The following PCSK5 variants were observed in gnomAD, a reference collection of about 807,000 sequenced individuals.
PCSK5 encodes proprotein convertase subtilisin/kexin type 5, also known as prohormone convertase 5.
In PCSK5, 129 loss-of-function variants were observed where a neutral mutation model predicts 233.2. That is an observed-to-expected ratio of 0.55 (90% CI 0.48 to 0.64). The LOEUF (loss-of-function observed/expected upper bound fraction) is 0.64, where lower values mean the gene tolerates loss of function less well. PCSK5 is among the 30% of genes least tolerant of loss of function. PCSK5 has a pLI of 0.00. For synonymous variants in PCSK5, 825 were observed against 879.2 expected (o/e 0.94, Z 1.09); for missense variants, 2,076 against 2,430.1 (o/e 0.85, Z 3.06).
At chr9:76,228,449 G>C (rs916649518) in intron 21 of PCSK5, among the ~76,000 whole-genome samples, 2 of 152,158 alleles carry the variant, frequency 1.3e-5, no homozygotes, top group Admixed American at 6.5e-5. Context: ...TCATTAGACT[G>C]TAAGCCACTT....
Position 75,891,126 on chromosome 9 carries a change from C to G in PCSK5, c.-56C>G. The G allele has an allele frequency of 7.3e-7, 1 of 1,364,486 alleles. No individual in the cohort carries two copies. The highest frequency in any genetic ancestry group is 9.5e-7 in the Non-Finnish European group (1 of 1,051,216). 84.5% of individuals were successfully genotyped at this position (1,364,486 alleles called of 1,614,324 possible). On this transcript the variant is annotated 5_prime_UTR_variant, in exon 1 of 38. Transcript: ENST00000674117. Reference sequence around the variant, plus strand: ...GCAGGCCGGAGAAGTTAGTTGTGCGCGCCCTTAGTGCGCGGAACCAGCCAG... The same window carrying G: ...GCAGGCCGGAGAAGTTAGTTGTGCGGGCCCTTAGTGCGCGGAACCAGCCAG...
chr9:76,257,541 A>G (rs1827023796), intron 24 of PCSK5, among the ~76,000 whole-genome samples: 3 of 152,106 alleles, frequency 2.0e-5, no homozygotes, highest in Non-Finnish European at 4.4e-5. Flanking sequence ...CCTTTCCACA[A>G]AGTCTCTCTG....
chr9:76,154,568 C>T (rs979619443), intron 10 of PCSK5, among the ~76,000 whole-genome samples: 5 of 152,160 alleles, frequency 3.3e-5, no homozygotes, highest in African/African-American at 4.8e-5. Flanking sequence ...CCCTTCTCCA[C>T]GCCCCCAACA....
At chr9:76,344,343 ACCC>A (rs1829919564) in intron 35 of PCSK5, among the ~76,000 whole-genome samples, 1 of 4,634 alleles carries the variant, frequency 2.2e-4, no homozygotes, top group East Asian at 8.8e-3. Flanking sequence ...TCCCCTCACC[ACCC>A]ACCATTCCCA....
chr9:75,964,776 C>G (rs1402168189), intron 2 of PCSK5, among the ~76,000 whole-genome samples: 2 of 152,110 alleles, frequency 1.3e-5, no homozygotes, highest in African/African-American at 4.8e-5. Flanking sequence ...CATTGCGTAT[C>G]TACTATATAG....
chr9:76,227,524 G>C lies in PCSK5; in HGVS notation c.2648G>C (p.Gly883Ala). The change falls in exon 21 of 38, where the codon GGC (glycine) becomes GCC (alanine). Residue 883 changes from glycine to alanine, a missense_variant. Coordinates refer to ENST00000674117, the MANE Select transcript of PCSK5 (RefSeq NM_001372043.1). ...CKDGEYVDEHGHCQTCEASCA... is the reference protein window; with the variant it reads ...CKDGEYVDEHAHCQTCEASCA... ...CCAGGAGAATATGTTGATGAGCATG[G>C]CCACTGCCAGACCTGTGAGGCCTCA... The C allele has an allele frequency of 6.2e-7, 1 of 1,611,466 alleles. No individual in the cohort carries two copies. The highest frequency in any genetic ancestry group is 8.5e-7 in the Non-Finnish European group (1 of 1,179,020).
At chr9:76,064,127 G>A (rs1254536821) in intron 5 of PCSK5, among the ~76,000 whole-genome samples, 5 of 122,046 alleles carry the variant, frequency 4.1e-5, no homozygotes, top group East Asian at 2.5e-4. Context: ...GGCTGGCTGG[G>A]CGGAGGGCTG....
chr9:76,195,780 TCA>T (rs1319180373), intron 20 of PCSK5: 1 of 152,186 alleles, frequency 6.6e-6, no homozygotes, highest in Non-Finnish European at 1.5e-5. Flanking sequence ...TGTAAAATGT[TCA>T]GTTGTTTTTT....
intron 1 of PCSK5, among the ~76,000 whole-genome samples, chr9:75,931,002 C>G (rs541804849): frequency 1.3e-5 from 2 of 152,132 alleles, no homozygotes; most frequent in Non-Finnish European, 2.9e-5. Flanking sequence ...CTGCATTCCC[C>G]GCTTGTTTTC....
chr9:75,909,892 C>T (rs1482418277), intron 1 of PCSK5, among the ~76,000 whole-genome samples: 1 of 152,084 alleles, frequency 6.6e-6, no homozygotes, highest in Non-Finnish European at 1.5e-5. Context: ...TTCAGTGGCC[C>T]AGTGAAATGT....
At chr9:76,029,426 T>C (rs1235234251) in intron 5 of PCSK5, among the ~76,000 whole-genome samples, 3 of 152,128 alleles carry the variant, frequency 2.0e-5, no homozygotes, top group Non-Finnish European at 4.4e-5. Flanking sequence ...TACTGTAGTT[T>C]TTGGAACATA....
Position 76,260,179 on chromosome 9 carries a change from T to C in PCSK5, c.3142+19495T>C, listed in dbSNP as rs115882106. On this transcript the variant is annotated intron_variant, in intron 24 of 37. Coordinates refer to ENST00000674117, the MANE Select transcript of PCSK5 (RefSeq NM_001372043.1). ...GAAACTCACTTAAGCCTCAGACTCC[T>C]CATGTAAATGGAGGATAATTTCCAT... Among the ~76,000 whole-genome samples the C allele has an allele frequency of 4.5e-3, 687 of 152,352 alleles. 6 individuals carry two copies. The highest frequency in any genetic ancestry group is 0.016 in the African/African-American group (656 of 41,584).
At chr9:76,183,447 T>C (rs995476283) in intron 16 of PCSK5, among the ~76,000 whole-genome samples, 13 of 152,254 alleles carry the variant, frequency 8.5e-5, no homozygotes, top group East Asian at 1.9e-4. Context: ...ATAGTTCATA[T>C]CGTTCCCTTG....
intron 24 of PCSK5, among the ~76,000 whole-genome samples, chr9:76,251,104 C>T (rs1564135494): frequency 6.6e-6 from 1 of 151,804 alleles, no homozygotes; most frequent in African/African-American, 2.4e-5. Context: ...ACCATTTGTA[C>T]ACAAAATTTA....
At chr9:76,070,191 G>A (rs4745492) in intron 6 of PCSK5, among the ~76,000 whole-genome samples, 19,060 of 151,756 alleles carry the variant, frequency 0.13, 1,559 homozygotes, top group East Asian at 0.36. Flanking sequence ...TAGTAGAGAC[G>A]GGGTTTCACC....
At chr9:76,019,930 G>A (rs1045704394) in intron 3 of PCSK5, among the ~76,000 whole-genome samples, 1 of 152,196 alleles carries the variant, frequency 6.6e-6, no homozygotes, top group South Asian at 2.1e-4. Context: ...CATCACTGAA[G>A]TACAGTGCAT....
At chr9:76,113,302 A>C (rs1215235437) in intron 9 of PCSK5, among the ~76,000 whole-genome samples, 2 of 152,180 alleles carry the variant, frequency 1.3e-5, no homozygotes, top group African/African-American at 4.8e-5. Context: ...AGGAGTGTTG[A>C]GCCAAAGGAT....
At chr9:76,095,374 T>G (rs1831466106) in intron 7 of PCSK5, among the ~76,000 whole-genome samples, 1 of 152,178 alleles carries the variant, frequency 6.6e-6, no homozygotes, top group Admixed American at 6.5e-5. Context: ...TCATGGCAGA[T>G]TTGAAGATTT....
chr9:76,319,952 C>G (rs945753107), intron 30 of PCSK5, among the ~76,000 whole-genome samples: 3 of 152,164 alleles, frequency 2.0e-5, no homozygotes, highest in Admixed American at 2.0e-4. Context: ...AAGGGAAGGG[C>G]CCCCTATCCT....
Sources: gnomAD v4.1 joint callset for allele counts (sites outside exome capture counted in the v4.1 genomes callset) on GRCh38, gnomAD v4.1.1 for gene constraint, MANE v1.5 for transcripts, NCBI Gene and HGNC (gene_info 2026-07-23, HGNC 2026-07-21) for gene names.